The following DOK6 variants were observed in gnomAD, a reference collection of about 807,000 sequenced individuals.
The protein encoded by DOK6 is downstream of tyrosine kinase 6.
In DOK6, 22 loss-of-function variants were observed where a neutral mutation model predicts 44.0. That is an observed-to-expected ratio of 0.50 (90% CI 0.36 to 0.71). The LOEUF (loss-of-function observed/expected upper bound fraction) is 0.71, where lower values mean the gene tolerates loss of function less well. Ranked by LOEUF, DOK6 falls within the 30% of genes least tolerant of loss-of-function variation. The pLI, the probability that DOK6 is intolerant of heterozygous loss-of-function variation, is 0.00. For missense variants in DOK6, 340 were observed against 416.4 expected, an observed-to-expected ratio of 0.82 and a Z score of 1.60; for synonymous variants, 166 against 145.5, an observed-to-expected ratio of 1.14 and a Z score of -1.01.
chr18:69,464,056 C>T (rs915304686), intron 1 of DOK6, among the ~76,000 whole-genome samples: 5 of 152,172 alleles, frequency 3.3e-5, no homozygotes, highest in Non-Finnish European at 5.9e-5. Flanking sequence ...AAGATCTGGA[C>T]CGTCTAAAGA....
intron 5 of DOK6, among the ~76,000 whole-genome samples, chr18:69,727,013 C>G (rs1371032858): frequency 6.6e-6 from 1 of 152,096 alleles, no homozygotes; most frequent in Non-Finnish European, 1.5e-5. Flanking sequence ...TGCTGCCATG[C>G]CTGGCTAAGT....
chr18:69,416,670 T>C (rs1747116844), intron 1 of DOK6, among the ~76,000 whole-genome samples: 2 of 152,144 alleles, frequency 1.3e-5, no homozygotes, highest in Admixed American at 1.3e-4. Context: ...GTATGACCTA[T>C]CATCCTCATC....
rs79971139 is a variant in DOK6, at chr18:69,809,277, T to A, written c.857-31967T>A. ...CCTTTCATAATAAGAAAAACCTCAA[T>A]AAATTAGGTATAGAAAGAATATACC... is the stretch of plus-strand genomic sequence containing the variant. On this transcript the variant is annotated intron_variant, in intron 7 of 7. Coordinates refer to ENST00000382713, the MANE Select transcript of DOK6 (RefSeq NM_152721.6). 8.1e-3 allele frequency among the ~76,000 whole-genome samples: 1,228 copies of A among 151,692 alleles called. 16 individuals are homozygous for A. The highest frequency in any genetic ancestry group is 0.028 in the African/African-American group (1,141 of 41,444).
intron 2 of DOK6, among the ~76,000 whole-genome samples, chr18:69,570,697 T>TG (rs1428725704): frequency 2.0e-5 from 3 of 151,766 alleles, no homozygotes; most frequent in African/African-American, 7.3e-5. Context: ...CATGACATAC[T>TG]GGGGGTCAGT....
intron 1 of DOK6, among the ~76,000 whole-genome samples, chr18:69,471,157 G>A (rs1410486949): frequency 1.4e-5 from 2 of 147,348 alleles, no homozygotes; most frequent in African/African-American, 5.0e-5. Context: ...GCTGGAGGCA[G>A]GAGAATCGCT....
At chr18:69,719,709 A>G (rs1449560465) in intron 5 of DOK6, among the ~76,000 whole-genome samples, 1 of 152,212 alleles carries the variant, frequency 6.6e-6, no homozygotes, top group Non-Finnish European at 1.5e-5. Flanking sequence ...TAAACTATAA[A>G]CTAAATTGCT....
chr18:69,814,336 G>A (rs996120576), intron 7 of DOK6, among the ~76,000 whole-genome samples: 1 of 152,160 alleles, frequency 6.6e-6, no homozygotes, highest in Non-Finnish European at 1.5e-5. Flanking sequence ...GGCCCTGAGT[G>A]AGGTGAGGGA....
chr18:69,515,250 A>G (rs1981488742), intron 1 of DOK6, among the ~76,000 whole-genome samples: 1 of 152,190 alleles, frequency 6.6e-6, no homozygotes, highest in South Asian at 2.1e-4. Context: ...CATCGTGTAA[A>G]TATTTATAGT....
At chr18:69,836,853 C>T (rs1377676415) in intron 7 of DOK6, among the ~76,000 whole-genome samples, 3 of 152,070 alleles carry the variant, frequency 2.0e-5, no homozygotes, top group African/African-American at 7.2e-5. Flanking sequence ...TTCAAATGAA[C>T]ATTGAAAAAA....
At chr18:69,529,204 G>T (rs560509569) in intron 1 of DOK6, among the ~76,000 whole-genome samples, 1 of 152,152 alleles carries the variant, frequency 6.6e-6, no homozygotes, top group African/African-American at 2.4e-5. Context: ...ATTATTGAAA[G>T]CATCATAATT....
chr18:69,519,885 G>A (rs113817857), intron 1 of DOK6, among the ~76,000 whole-genome samples: 4 of 151,698 alleles, frequency 2.6e-5, no homozygotes, highest in African/African-American at 9.7e-5. Flanking sequence ...AAATAGAAAA[G>A]TCAGATACAT....
intron 7 of DOK6, among the ~76,000 whole-genome samples, chr18:69,781,779 T>C (rs1980276530): frequency 6.6e-6 from 1 of 152,190 alleles, no homozygotes; most frequent in African/African-American, 2.4e-5. Flanking sequence ...ATTGTGAAGT[T>C]TTTCCTGTTA....
At chr18:69,432,672 C>A (rs1178131164) in intron 1 of DOK6, among the ~76,000 whole-genome samples, 1 of 152,040 alleles carries the variant, frequency 6.6e-6, no homozygotes, top group Non-Finnish European at 1.5e-5. Flanking sequence ...TGACTACTGG[C>A]AACAGTGATA....
At chr18:69,567,413 C>T (rs942488827) in intron 2 of DOK6, among the ~76,000 whole-genome samples, 6 of 151,574 alleles carry the variant, frequency 4.0e-5, no homozygotes, top group Non-Finnish European at 8.8e-5. Flanking sequence ...CAATCCTTAA[C>T]AAATTCGGTG....
chr18:69,732,465 T>G (rs1247402267), intron 5 of DOK6, among the ~76,000 whole-genome samples: 1 of 152,194 alleles, frequency 6.6e-6, no homozygotes, highest in East Asian at 1.9e-4. Flanking sequence ...TGATTCTGAA[T>G]TTTTGAGGCA....
chr18:69,509,740 A>G (rs1981313087), intron 1 of DOK6, among the ~76,000 whole-genome samples: 2 of 152,242 alleles, frequency 1.3e-5, no homozygotes, highest in Admixed American at 6.5e-5. Flanking sequence ...TTCCCAAATA[A>G]ATTGTTCACT....
intron 1 of DOK6, among the ~76,000 whole-genome samples, chr18:69,496,654 A>T (rs1006106966): frequency 2.6e-5 from 4 of 152,202 alleles, no homozygotes; most frequent in Admixed American, 2.0e-4. Context: ...TGACATTATT[A>T]CCAGAAAATT....
chr18:69,840,450 G>A (rs1982182539), intron 7 of DOK6, among the ~76,000 whole-genome samples: 1 of 152,232 alleles, frequency 6.6e-6, no homozygotes, highest in Non-Finnish European at 1.5e-5. Context: ...TTCATCAGAA[G>A]CTTTAGTTAG....
intron 1 of DOK6, among the ~76,000 whole-genome samples, chr18:69,434,928 A>AAGGGAGGG (rs377517457): frequency 8.4e-5 from 6 of 71,216 alleles, no homozygotes; most frequent in Non-Finnish European, 1.1e-4. Flanking sequence ...CAAAAGAAAA[A>AAGGGAGGG]AGGGAGGGAG....
Sources: allele counts gnomAD v4.1 joint callset (sites outside exome capture counted in the v4.1 genomes callset), GRCh38; gene constraint gnomAD v4.1.1; transcripts MANE v1.5; gene names NCBI Gene and HGNC (gene_info 2026-07-23, HGNC 2026-07-21).